Variants in PPARGC1B observed in about 807,000 individuals in gnomAD.
The protein encoded by PPARGC1B is peroxisome proliferator-activated receptor gamma coactivator 1-beta.
A neutral mutation model predicts 101.6 loss-of-function variants in PPARGC1B; 34 were observed. That is an observed-to-expected ratio of 0.33 (90% CI 0.25 to 0.45). PPARGC1B has a LOEUF of 0.45. Among genes scored for constraint, PPARGC1B ranks in the 20% least tolerant of loss-of-function variants. PPARGC1B has a pLI of 1.00. For missense variants in PPARGC1B, 1,234 were observed against 1,317.6 expected (o/e 0.94, Z 0.98); for synonymous variants, 548 against 539.3 (o/e 1.02, Z -0.22).
chr5:149,797,905 G>C (rs1382609508), intron 1 of PPARGC1B, among the ~76,000 whole-genome samples: 1 of 152,120 alleles, frequency 6.6e-6, no homozygotes, highest in African/African-American at 2.4e-5. Context: ...GGGCGACAGA[G>C]CAAAACTCCA....
At chr5:149,821,280 A>G (rs982966250) in intron 2 of PPARGC1B, among the ~76,000 whole-genome samples, 1 of 152,184 alleles carries the variant, frequency 6.6e-6, no homozygotes, top group Non-Finnish European at 1.5e-5. Context: ...AACCACTATT[A>G]TGCATGTGCC....
chr5:149,785,770 A>C (rs1040087013), intron 1 of PPARGC1B, among the ~76,000 whole-genome samples: 5 of 152,168 alleles, frequency 3.3e-5, no homozygotes, highest in Non-Finnish European at 5.9e-5. Context: ...GTGGCACTCC[A>C]ACCTAGGTTG....
intron 1 of PPARGC1B, among the ~76,000 whole-genome samples, chr5:149,747,655 C>T (rs1581007006): frequency 6.6e-6 from 1 of 152,192 alleles, no homozygotes; most frequent in African/African-American, 2.4e-5. Flanking sequence ...ACCTGCCCAG[C>T]AGCGCCTGGG....
At chr5:149,770,180 A>G (rs1233921625) in intron 1 of PPARGC1B, among the ~76,000 whole-genome samples, 1 of 152,074 alleles carries the variant, frequency 6.6e-6, no homozygotes, top group Non-Finnish European at 1.5e-5. Flanking sequence ...TTAAGACATC[A>G]TGCCTAAGCC....
In PPARGC1B at chr5:149,832,860, T is replaced by C; in HGVS notation, c.787T>C (p.Ser263Pro). 2 of 1,610,344 alleles carry C rather than the reference T, an allele frequency of 1.2e-6. No individual in the cohort carries two copies. The highest frequency in any genetic ancestry group is 1.7e-6 in the Non-Finnish European group (2 of 1,177,970). The part of the protein sequence containing the change: ...DCPSPQPAPA[S>P]PRDSLALGRA... ...CCCGAGCCCCCAGCCAGCTCCAGCCTCTCCCCGGGACTCCCTAGCTCTGGG... is the reference window on the plus strand; with the variant it reads ...CCCGAGCCCCCAGCCAGCTCCAGCCCCTCCCCGGGACTCCCTAGCTCTGGG... The change falls in exon 5 of 12, where the codon TCT (serine) becomes CCT (proline). Residue 263 changes from serine (S) to proline (P), a missense_variant. Coordinates refer to ENST00000309241, the MANE Select transcript of PPARGC1B (RefSeq NM_133263.4). This position sits in a 1 kb window ranked among gnomAD's most constrained non-coding sequence, Gnocchi z 4.9.
At chr5:149,807,935 C>T (rs891805622) in intron 1 of PPARGC1B, among the ~76,000 whole-genome samples, 2 of 152,144 alleles carry the variant, frequency 1.3e-5, no homozygotes, top group Non-Finnish European at 2.9e-5. Context: ...AGGCACTTGG[C>T]TCTGGCACAA....
intron 1 of PPARGC1B, among the ~76,000 whole-genome samples, chr5:149,762,400 G>T (rs1755749688): frequency 6.6e-6 from 1 of 152,052 alleles, no homozygotes; most frequent in Non-Finnish European, 1.5e-5. Flanking sequence ...TCCCCACCTT[G>T]GACTCCCAAA....
Position 149,830,826 on chromosome 5 carries a change from A to G in PPARGC1B, c.525A>G (p.Glu175=). The change falls in exon 4 of 12, where the codon GAA becomes GAG. Residue 175 remains glutamate (E), a synonymous_variant. Coordinates refer to ENST00000309241, the MANE Select transcript of PPARGC1B (RefSeq NM_133263.4). ...CATCAAGCTCTGACACCCAGAAGGA[A>G]GGGACCGCCTGGCGCCAGGCAGGCC... The part of the protein sequence containing the change: ...YPTSSSDTQK[E]GTAWRQAGLR... 3.1e-6 allele frequency: 5 copies of G among 1,614,150 alleles called. No individual in the cohort carries two copies. Among genetic ancestry groups the G allele is most frequent in the Non-Finnish European group, 4.2e-6 (5 of 1,180,006 alleles).
At chr5:149,844,876 T>C (rs1759493820) in intron 10 of PPARGC1B, among the ~76,000 whole-genome samples, 1 of 152,208 alleles carries the variant, frequency 6.6e-6, no homozygotes, top group Non-Finnish European at 1.5e-5. Flanking sequence ...TAGAATTGAC[T>C]TTTGGTCCTT....
intron 10 of PPARGC1B, among the ~76,000 whole-genome samples, chr5:149,844,021 C>T (rs777947677): frequency 2.6e-5 from 4 of 152,112 alleles, no homozygotes; most frequent in Non-Finnish European, 4.4e-5. Context: ...GTTTAATGGG[C>T]GTAGAGTTTC....
chr5:149,849,131 T>G lies in PPARGC1B; in HGVS notation c.*1573T>G, dbSNP rs117743273. 2.0e-5 allele frequency: 3 copies of G among 152,296 alleles called. No homozygotes were observed. In the East Asian group the frequency reaches 5.8e-4, roughly 29 times the overall value. 9.4% of individuals were successfully genotyped at this position (152,296 alleles called of 1,614,324 possible). ...TTTTAAGTCCTGCTGCTTTAAAAAT[T>G]TGAAAGTGGCTCATTAAACTAAACA... On this transcript the variant is annotated 3_prime_UTR_variant, in exon 12 of 12. Coordinates refer to ENST00000309241, the MANE Select transcript of PPARGC1B (RefSeq NM_133263.4).
intron 1 of PPARGC1B, among the ~76,000 whole-genome samples, chr5:149,732,035 T>C (rs1754501281): frequency 8.0e-6 from 1 of 125,274 alleles, no homozygotes; most frequent in Non-Finnish European, 1.7e-5. Flanking sequence ...ATGAGCGGGT[T>C]GCGCGCGCGG....
chr5:149,791,060 G>A (rs970735566), intron 1 of PPARGC1B, among the ~76,000 whole-genome samples: 1 of 151,984 alleles, frequency 6.6e-6, no homozygotes, highest in Non-Finnish European at 1.5e-5. Context: ...AGGCCAAGGC[G>A]GGCGGATCAC....
chr5:149,830,599 T>C (rs1243663099), intron 3 of PPARGC1B, among the ~76,000 whole-genome samples, 168 bp from the exon 4 acceptor site: 2 of 152,230 alleles, frequency 1.3e-5, no homozygotes, highest in African/African-American at 2.4e-5. Flanking sequence ...CAATCTACCA[T>C]CTGCACCTAG....
At chr5:149,845,949 A>G (rs760155257) in intron 11 of PPARGC1B, 35 bp downstream of exon 11, 34 of 1,613,872 alleles carry the variant, frequency 2.1e-5, no homozygotes, top group Middle Eastern at 1.6e-4. Flanking sequence ...GTCTAGTAAG[A>G]CTCAAAGCTT....
intron 1 of PPARGC1B, among the ~76,000 whole-genome samples, chr5:149,752,479 C>T (rs1304757839): frequency 6.6e-6 from 1 of 152,208 alleles, no homozygotes; most frequent in African/African-American, 2.4e-5. Flanking sequence ...GTGAAAGAGA[C>T]AATGAACTTG....
chr5:149,796,996 G>T (rs1757245558), intron 1 of PPARGC1B, among the ~76,000 whole-genome samples: 1 of 152,208 alleles, frequency 6.6e-6, no homozygotes. Flanking sequence ...ATTTCTAACT[G>T]CAGCTTATCC....
chr5:149,736,367 CTT>C lies in PPARGC1B; in HGVS notation c.78+5959_78+5960del, dbSNP rs78624741. Among the ~76,000 whole-genome samples, 288 of 142,986 alleles carry C rather than the reference CTT, an allele frequency of 2.0e-3. 2 individuals carry two copies. The highest frequency in any genetic ancestry group is 6.7e-3 in the African/African-American group (266 of 39,474). The allele number at this position is 142,986 out of a possible 152,430, so 93.8% of individuals were successfully genotyped here. A position where few individuals can be genotyped will look rare whatever the true frequency, so the allele number is the denominator to read the frequency against. Reference sequence around the variant, plus strand: ...TGGAGCTAATTTTCATGCATGCAATCTTTTTTTTTTTTTGCGTAAAAAAGAGA... The same window carrying C: ...TGGAGCTAATTTTCATGCATGCAATCTTTTTTTTTTTGCGTAAAAAAGAGA... On this transcript the variant is annotated intron_variant, in intron 1 of 11. Transcript: ENST00000309241.
chr5:149,755,072 T>TATATATATATATATATATATATAA (rs1183883268), intron 1 of PPARGC1B, among the ~76,000 whole-genome samples: 1 of 146,100 alleles, frequency 6.8e-6, no homozygotes, highest in African/African-American at 2.6e-5. Context: ...TATATATATA[T>TATATATATATATATATATATATAA]AATTTTTTTT....
Sources: gnomAD v4.1 joint callset for allele counts (sites outside exome capture counted in the v4.1 genomes callset) on GRCh38, gnomAD v4.1.1 for gene constraint, Gnocchi (gnomAD v3.1) non-coding constraint, MANE v1.5 for transcripts, NCBI Gene and HGNC (gene_info 2026-07-23, HGNC 2026-07-21) for gene names.